Variants in TMEM41B observed in about 807,000 individuals in gnomAD.
TMEM41B encodes protein stasimon.
TMEM41B carries 18 observed loss-of-function variants against 31.9 expected under a neutral mutation model. That is an observed-to-expected ratio of 0.56 (90% CI 0.39 to 0.84). The LOEUF (loss-of-function observed/expected upper bound fraction) is 0.84, where lower values mean the gene tolerates loss of function less well. Among genes scored for constraint, TMEM41B ranks in the 40% least tolerant of loss-of-function variants. TMEM41B has a pLI of 0.00. For synonymous variants in TMEM41B, 144 were observed against 124.3 expected, an observed-to-expected ratio of 1.16 and a Z score of -1.05; for missense variants, 322 against 348.0, an observed-to-expected ratio of 0.93 and a Z score of 0.59.
chr11:9,295,868 AT>A (rs1226487388), intron 2 of TMEM41B, among the ~76,000 whole-genome samples: 3 of 140,000 alleles, frequency 2.1e-5, no homozygotes, highest in African/African-American at 8.0e-5. Context: ...TATTTTTATT[AT>A]TTTTTTTGAC....
At chr11:9,290,219 T>C (rs574359010) in intron 3 of TMEM41B, among the ~76,000 whole-genome samples, 274 of 151,902 alleles carry the variant, frequency 1.8e-3, no homozygotes, top group African/African-American at 6.4e-3. Context: ...TCTACTAAAA[T>C]ACAAAAAACT....
chr11:9,284,585 A>T (rs1178195895), intron 6 of TMEM41B, among the ~76,000 whole-genome samples: 1 of 152,078 alleles, frequency 6.6e-6, no homozygotes, highest in African/African-American at 2.4e-5. Flanking sequence ...CAACATGATG[A>T]AGCTCCATCT....
chr11:9,292,533 T>C (rs538432454), intron 3 of TMEM41B, among the ~76,000 whole-genome samples: 2 of 152,260 alleles, frequency 1.3e-5, no homozygotes, highest in African/African-American at 2.4e-5. Context: ...AAAACAGTTT[T>C]AAGATTTTTG....
chr11:9,286,442 C>G lies in TMEM41B; in HGVS notation c.706+13G>C. On this transcript the variant is annotated intron_variant, in intron 6 of 6. Transcript: ENST00000528080. Reference sequence around the variant, plus strand: ...ACAGTGAGCTCATACACAGCAAGAACCAGAGGGCTTACCTAGAAAAGTACC... The same window carrying G: ...ACAGTGAGCTCATACACAGCAAGAAGCAGAGGGCTTACCTAGAAAAGTACC... The G allele has an allele frequency of 6.2e-7, 1 of 1,604,728 alleles. No individual in the cohort carries two copies. The highest frequency in any genetic ancestry group is 8.5e-7 in the Non-Finnish European group (1 of 1,176,032).
chr11:9,305,677 C>A (rs1304754201), intron 1 of TMEM41B, among the ~76,000 whole-genome samples: 1 of 152,174 alleles, frequency 6.6e-6, no homozygotes, highest in Non-Finnish European at 1.5e-5. Context: ...TTAAATCCAT[C>A]TAAAAGTATG....
intron 1 of TMEM41B, among the ~76,000 whole-genome samples, chr11:9,309,108 G>A (rs1046304395): frequency 2.3e-4 from 35 of 152,164 alleles, no homozygotes; most frequent in African/African-American, 4.3e-4. Context: ...TTAGCTGGGC[G>A]TGGTGACGTG....
intron 5 of TMEM41B, 109 bp downstream of exon 5, chr11:9,287,593 G>T: frequency 1.5e-6 from 1 of 647,986 alleles, no homozygotes; most frequent in Non-Finnish European, 2.5e-6. Context: ...GTTAACTTAG[G>T]AATTAATTTA....
intron 3 of TMEM41B, among the ~76,000 whole-genome samples, chr11:9,289,053 G>T (rs1412813174): frequency 6.6e-6 from 1 of 152,204 alleles, no homozygotes; most frequent in African/African-American, 2.4e-5. Flanking sequence ...ACCCAGGCTG[G>T]AACGCAGTGG....
intron 3 of TMEM41B, among the ~76,000 whole-genome samples, chr11:9,289,719 TA>T: frequency 6.6e-6 from 1 of 152,138 alleles, no homozygotes; most frequent in East Asian, 1.9e-4. Flanking sequence ...TCACAGCCAA[TA>T]ATAACTTTTT....
chr11:9,300,705 C>G (rs910385693), intron 1 of TMEM41B, among the ~76,000 whole-genome samples: 1 of 151,714 alleles, frequency 6.6e-6, no homozygotes. Context: ...GGTGAAACCC[C>G]GTCTCTACTA....
At chr11:9,311,937 A>G (rs1853570968) in intron 1 of TMEM41B, among the ~76,000 whole-genome samples, 1 of 152,228 alleles carries the variant, frequency 6.6e-6, no homozygotes, top group Non-Finnish European at 1.5e-5. Flanking sequence ...GATAGCATGT[A>G]AAACAGTTCA....
intron 3 of TMEM41B, among the ~76,000 whole-genome samples, chr11:9,290,547 A>G (rs1852933042): frequency 8.1e-6 from 1 of 123,926 alleles, no homozygotes; most frequent in Non-Finnish European, 1.9e-5. Context: ...CTTAAAGTAT[A>G]ATAATAAAAA....
rs950659840 is a variant in TMEM41B at position 9,314,315 on chromosome 11, A to G, written c.121+6T>C. The G allele has an allele frequency of 1.3e-6, 2 of 1,594,642 alleles. No individual in the cohort carries two copies. Among genetic ancestry groups the G allele is most frequent in the East Asian group, 4.6e-5 (2 of 43,672 alleles). ...ACCCCCAGCTCTGCTCCCCGGGCCC[A>G]CTCACCCTTCTGGTGGTCTCTGCTG... On this transcript the variant is annotated splice_donor_region_variant and intron_variant, in intron 1 of 6. Coordinates refer to ENST00000528080, the MANE Select transcript of TMEM41B (RefSeq NM_015012.4).
chr11:9,300,340 C>T (rs1426610911), intron 1 of TMEM41B, among the ~76,000 whole-genome samples: 1 of 152,222 alleles, frequency 6.6e-6, no homozygotes, highest in South Asian at 2.1e-4. Context: ...TATTTCTATA[C>T]TGGGAGCCAA....
chr11:9,305,472 C>T (rs924126885), intron 1 of TMEM41B, among the ~76,000 whole-genome samples: 1 of 152,132 alleles, frequency 6.6e-6, no homozygotes, highest in Admixed American at 6.6e-5. Context: ...TGGTGGCACA[C>T]CCCTGTAGTC....
chr11:9,294,326 C>T (rs1853034713), intron 3 of TMEM41B, among the ~76,000 whole-genome samples: 1 of 151,494 alleles, frequency 6.6e-6, no homozygotes, highest in African/African-American at 2.4e-5. Context: ...GAAACTCCGT[C>T]TCTACTGAAA....
intron 3 of TMEM41B, among the ~76,000 whole-genome samples, chr11:9,294,357 T>C (rs1376199538): frequency 3.3e-5 from 5 of 151,828 alleles, no homozygotes; most frequent in African/African-American, 9.7e-5. Context: ...TAACCAAGTA[T>C]GGCGGCAGGC....
intron 4 of TMEM41B, chr11:9,288,114 GA>G (rs1425440325): frequency 1.4e-5 from 3 of 209,024 alleles, no homozygotes; most frequent in South Asian, 4.1e-5. Context: ...CCCTACCCCC[GA>G]CCCCCCCAGT....
At chr11:9,310,621 T>C (rs1353516644) in intron 1 of TMEM41B, among the ~76,000 whole-genome samples, 2 of 150,212 alleles carry the variant, frequency 1.3e-5, no homozygotes, top group African/African-American at 4.9e-5. Context: ...TGTACTCTAG[T>C]CCAGTCACCT....
Sources: gnomAD v4.1 joint callset for allele counts (sites outside exome capture counted in the v4.1 genomes callset) on GRCh38, gnomAD v4.1.1 for gene constraint, MANE v1.5 for transcripts, NCBI Gene and HGNC (gene_info 2026-07-23, HGNC 2026-07-21) for gene names.